The following PPP1R1C variants were observed in gnomAD, a reference collection of about 807,000 sequenced individuals.
The protein encoded by PPP1R1C is protein phosphatase 1 regulatory subunit 1C.
In PPP1R1C, 15 loss-of-function variants were observed where a neutral mutation model predicts 17.4. The ratio of observed to expected loss-of-function variants is 0.86; its 90% CI spans 0.58 to 1.33. The LOEUF (loss-of-function observed/expected upper bound fraction) is 1.33, where lower values mean the gene tolerates loss of function less well. Ranked by LOEUF, PPP1R1C falls within the 40% of genes most tolerant of loss-of-function variation. The probability of loss-of-function intolerance (pLI) is 0.00; values close to 1 mark genes in which losing one functional copy is unlikely to be tolerated. For synonymous variants in PPP1R1C, 35 were observed against 43.1 expected (o/e 0.81, Z 0.73); for missense variants, 143 against 130.0 (o/e 1.10, Z -0.48).
At chr2:182,088,695 C>T (rs1262386461) in intron 4 of PPP1R1C, among the ~76,000 whole-genome samples, 10 of 152,254 alleles carry the variant, frequency 6.6e-5, no homozygotes, top group East Asian at 3.9e-4. Context: ...AAAGTTGCAT[C>T]GGTATTCCAA....
chr2:182,047,492 A>C (rs539247654), intron 2 of PPP1R1C, among the ~76,000 whole-genome samples: 2 of 152,148 alleles, frequency 1.3e-5, no homozygotes, highest in South Asian at 2.1e-4. Context: ...AAAAAACTAG[A>C]ATTACTGGAA....
intron 2 of PPP1R1C, among the ~76,000 whole-genome samples, chr2:182,018,164 G>C (rs1316676456): frequency 6.6e-6 from 1 of 152,128 alleles, no homozygotes; most frequent in Non-Finnish European, 1.5e-5. Flanking sequence ...CAGCTATAAT[G>C]ATCTACCTAA....
At chr2:182,046,093 TTTCC>T (rs56180506) in intron 2 of PPP1R1C, among the ~76,000 whole-genome samples, 10,777 of 143,846 alleles carry the variant, frequency 0.075, 723 homozygotes, top group African/African-American at 0.17. Context: ...CCCTCCTACA[TTTCC>T]TTCCTTCCTT....
intron 4 of PPP1R1C, among the ~76,000 whole-genome samples, chr2:182,115,308 A>G (rs1689551463): frequency 6.6e-6 from 1 of 152,196 alleles, no homozygotes; most frequent in Admixed American, 6.6e-5. Context: ...TAAAGGTGAA[A>G]ATGAATCAGT....
At chr2:182,123,142 T>C (rs1044881616) in intron 5 of PPP1R1C, among the ~76,000 whole-genome samples, 1 of 152,214 alleles carries the variant, frequency 6.6e-6, no homozygotes, top group Admixed American at 6.5e-5. Context: ...CTCAGAATGA[T>C]GGTTTCCAGC....
chr2:182,081,410 A>G (rs950984727), intron 4 of PPP1R1C, among the ~76,000 whole-genome samples: 1 of 152,226 alleles, frequency 6.6e-6, no homozygotes, highest in African/African-American at 2.4e-5. Flanking sequence ...AGAAGATTCA[A>G]TACATTGCAG....
rs902659340 is a variant in PPP1R1C, at chr2:182,061,575, G to T, written c.180+96G>T. On this transcript the variant is annotated intron_variant, in intron 3 of 4. Transcript: ENST00000682840. ...ATGTGATATAAATAATGATACAACT[G>T]TAATAAAACTTTAGATTGCTCCTTC... is the stretch of plus-strand genomic sequence containing the variant. The T allele has an allele frequency of 7.9e-6, 5 of 635,752 alleles. No individual in the cohort carries two copies. The African/African-American group carries it at 9.8e-5, about 12-fold the overall frequency. 39.4% of individuals were successfully genotyped at this position (635,752 alleles called of 1,614,324 possible). A position where few individuals can be genotyped will look rare whatever the true frequency, so the allele number is the denominator to read the frequency against.
intron 2 of PPP1R1C, among the ~76,000 whole-genome samples, chr2:182,031,764 A>G (rs1330351095): frequency 6.6e-6 from 1 of 152,250 alleles, no homozygotes; most frequent in African/African-American, 2.4e-5. Flanking sequence ...TTCAAAATTT[A>G]TAAATTCTAT....
chr2:182,086,741 C>T (rs1688639687), intron 4 of PPP1R1C, among the ~76,000 whole-genome samples: 1 of 152,062 alleles, frequency 6.6e-6, no homozygotes, highest in Non-Finnish European at 1.5e-5. Context: ...TATATGTACA[C>T]TATACTAATG....
chr2:182,063,777 C>A lies in PPP1R1C; in HGVS notation c.227C>A (p.Pro76Gln). ...PKQRKQSVYT[P>Q]PTIKGVKHLK... ...CAAAGGAAGCAGAGTGTGTACACAC[C>A]ACCCACCATAAAAGGTACTGTTCAG... The change falls in exon 4 of 5, where the codon CCA (proline) becomes CAA (glutamine). Residue 76 changes from proline to glutamine, a missense_variant. By Grantham distance (76) the Pro-to-Gln change is moderately conservative. Transcript: ENST00000682840. The A allele has an allele frequency of 3.7e-6, 6 of 1,612,530 alleles. No homozygotes were observed. Among genetic ancestry groups the A allele is most frequent in the Non-Finnish European group, 5.1e-6 (6 of 1,178,852 alleles).
intron 2 of PPP1R1C, among the ~76,000 whole-genome samples, chr2:182,000,796 A>C (rs1685739258): frequency 6.6e-6 from 1 of 152,160 alleles, no homozygotes; most frequent in African/African-American, 2.4e-5. Flanking sequence ...CATTTGCTCC[A>C]ATCGATTGCT....
At chr2:182,105,780 G>T (rs1320089137) in intron 4 of PPP1R1C, among the ~76,000 whole-genome samples, 4 of 152,150 alleles carry the variant, frequency 2.6e-5, no homozygotes, top group Non-Finnish European at 5.9e-5. Flanking sequence ...CCAACTGAGG[G>T]TATATCACAA....
At chr2:182,120,829 T>C (rs1689717074), downstream of PPP1R1C, among the ~76,000 whole-genome samples, 1 of 152,038 alleles carries the variant, frequency 6.6e-6, no homozygotes, top group Admixed American at 6.6e-5. Flanking sequence ...TCTGGATTTT[T>C]CTGTTCTGTT....
intron 2 of PPP1R1C, among the ~76,000 whole-genome samples, chr2:182,034,978 T>C (rs1642020518): frequency 6.6e-6 from 1 of 152,222 alleles, no homozygotes; most frequent in African/African-American, 2.4e-5. Context: ...TTTGGGTCTG[T>C]CTCTTTTTGA....
At chr2:181,984,896 C>A (rs1011310163), upstream of PPP1R1C, among the ~76,000 whole-genome samples, 8 of 152,292 alleles carry the variant, frequency 5.3e-5, no homozygotes, top group East Asian at 1.5e-3. Context: ...TGCATGAAGG[C>A]CATCTGGCTA....
At chr2:182,071,207 C>T (rs1688130394) in intron 4 of PPP1R1C, among the ~76,000 whole-genome samples, 1 of 152,086 alleles carries the variant, frequency 6.6e-6, no homozygotes, top group African/African-American at 2.4e-5. Flanking sequence ...TCCAGCATAC[C>T]ACATTATGTG....
chr2:181,997,723 C>T (rs143443398), intron 2 of PPP1R1C, among the ~76,000 whole-genome samples: 3 of 152,218 alleles, frequency 2.0e-5, no homozygotes, highest in African/African-American at 4.8e-5. Flanking sequence ...TCATGATTTA[C>T]GGACAGAAGT....
At chr2:182,000,873 G>A (rs1685740911) in intron 2 of PPP1R1C, among the ~76,000 whole-genome samples, 1 of 152,080 alleles carries the variant, frequency 6.6e-6, no homozygotes, top group East Asian at 1.9e-4. Flanking sequence ...AATTTAATGT[G>A]GATGGAAAGA....
intron 3 of PPP1R1C, 32 bp downstream of exon 3, chr2:182,061,511 G>A: frequency 7.2e-7 from 1 of 1,379,874 alleles, no homozygotes; most frequent in Admixed American, 3.3e-5. Context: ...GTATAAATGT[G>A]TTCAAATCAA....
Sources: allele counts gnomAD v4.1 joint callset (sites outside exome capture counted in the v4.1 genomes callset), GRCh38; gene constraint gnomAD v4.1.1; transcripts MANE v1.5; gene names NCBI Gene and HGNC (gene_info 2026-07-23, HGNC 2026-07-21).